Variants in NUDT21 observed in about 807,000 individuals in gnomAD.
NUDT21 encodes nudix hydrolase 21, also known as cleavage and polyadenylation specificity factor subunit 5.
A neutral mutation model predicts 29.8 loss-of-function variants in NUDT21; 5 were observed. The observed-to-expected ratio is 0.17, with a 90% CI of 0.09 to 0.35. The LOEUF is 0.35. Ranked by LOEUF, NUDT21 falls within the 10% of genes least tolerant of loss-of-function variation. NUDT21 has a pLI of 1.00. For missense variants in NUDT21, 76 were observed against 276.0 expected (o/e 0.28, Z 5.13); for synonymous variants, 113 against 98.5 (o/e 1.15, Z -0.87).
Position 56,432,668 on chromosome 16 carries a change from C to G in NUDT21, c.*44G>C. ...ATTCTACACTGTATATAGCTGTGCT[C>G]ACAGAGACAAGCGGCTTCTTTTACT... On this transcript the variant is annotated 3_prime_UTR_variant, in exon 7 of 7. Coordinates refer to ENST00000300291, the MANE Select transcript of NUDT21 (RefSeq NM_007006.3). 5.6e-6 allele frequency: 9 copies of G among 1,595,302 alleles called. No individual in the cohort carries two copies. Among genetic ancestry groups the G allele is most frequent in the Non-Finnish European group, 7.7e-6 (9 of 1,167,878 alleles).
Position 56,451,243 on chromosome 16 carries a change from G to T in NUDT21, c.-41C>A. 1 of 1,476,340 alleles carries T rather than the reference G, an allele frequency of 6.8e-7. No individual in the cohort carries two copies. Among genetic ancestry groups the T allele is most frequent in the Non-Finnish European group, 9.3e-7 (1 of 1,076,384 alleles). 91.5% of individuals were successfully genotyped at this position (1,476,340 alleles called of 1,614,324 possible). On this transcript the variant is annotated 5_prime_UTR_variant, in exon 1 of 7. In the 5' UTR this introduces an upstream ATG that the reference lacks. Coordinates refer to ENST00000300291, the MANE Select transcript of NUDT21 (RefSeq NM_007006.3). ...CGCTGACGGCGAGCAGAAAGTGGCAGGCAGGGTAGACTTTCCCCGTGCGGG... is the reference window on the plus strand; with the variant it reads ...CGCTGACGGCGAGCAGAAAGTGGCATGCAGGGTAGACTTTCCCCGTGCGGG...
chr16:56,434,646 C>T, intron 5 of NUDT21, 108 bp downstream of exon 5: 1 of 881,104 alleles, frequency 1.1e-6, no homozygotes, highest in Admixed American at 2.1e-5. Flanking sequence ...TTTAGTTTTA[C>T]AACAAACCCA....
At chr16:56,450,556 A>C (rs1037554853) in intron 1 of NUDT21, among the ~76,000 whole-genome samples, 1 of 152,220 alleles carries the variant, frequency 6.6e-6, no homozygotes. Flanking sequence ...CCCTGAGCAC[A>C]TGAATAAAAT....
chr16:56,434,195 A>G (rs1962068026), intron 6 of NUDT21, 136 bp downstream of exon 6: 7 of 646,686 alleles, frequency 1.1e-5, no homozygotes, highest in Admixed American at 5.9e-5. Context: ...TGGCTTGCAC[A>G]TGATCTAAGA....
chr16:56,438,060 A>C (rs1962124016), intron 4 of NUDT21, among the ~76,000 whole-genome samples: 1 of 152,172 alleles, frequency 6.6e-6, no homozygotes, highest in South Asian at 2.1e-4. Flanking sequence ...AGTACACTAT[A>C]CCAATTGTGA....
intron 3 of NUDT21, among the ~76,000 whole-genome samples, chr16:56,444,619 AC>A (rs373757615): frequency 7.7e-4 from 114 of 147,732 alleles, no homozygotes; most frequent in Middle Eastern, 3.4e-3. Flanking sequence ...AAAAACAAAA[AC>A]AAAAAAAAAA....
At chr16:56,433,843 C>T (rs564829630) in intron 6 of NUDT21, among the ~76,000 whole-genome samples, 3 of 152,078 alleles carry the variant, frequency 2.0e-5, no homozygotes, top group South Asian at 2.1e-4. Flanking sequence ...CTGGCCACCA[C>T]GCCTCACTAA....
Position 56,448,038 on chromosome 16 carries a change from T to A in NUDT21, c.117-49A>T. The A allele has an allele frequency of 3.3e-6, 5 of 1,512,530 alleles. No individual in the cohort carries two copies. The East Asian group carries it at 1.1e-4, about 34-fold the overall frequency. 93.7% of individuals were successfully genotyped at this position (1,512,530 alleles called of 1,614,324 possible). ...AACATGAGAACTGAAGAATGTAATT[T>A]ACCATGACAGACATTAGCATAAAGA... is the stretch of plus-strand genomic sequence containing the variant. On this transcript the variant is annotated intron_variant, in intron 1 of 6. Coordinates refer to ENST00000300291, the MANE Select transcript of NUDT21 (RefSeq NM_007006.3).
At chr16:56,433,933 C>G (rs1332591451) in intron 6 of NUDT21, among the ~76,000 whole-genome samples, 1 of 152,098 alleles carries the variant, frequency 6.6e-6, no homozygotes, top group Non-Finnish European at 1.5e-5. Flanking sequence ...GATACACCCC[C>G]GCCTCAGCCT....
At chr16:56,445,156 C>G (rs1177822858) in intron 3 of NUDT21, among the ~76,000 whole-genome samples, 2 of 152,008 alleles carry the variant, frequency 1.3e-5, no homozygotes. Flanking sequence ...TGCACTCCAG[C>G]CTGGGTGACA....
intron 3 of NUDT21, among the ~76,000 whole-genome samples, chr16:56,441,205 T>C (rs549941197): frequency 6.6e-6 from 1 of 152,086 alleles, no homozygotes; most frequent in Non-Finnish European, 1.5e-5. Context: ...AGCCAAAATA[T>C]TCTTTTATGA....
chr16:56,433,668 C>G (rs1189986981), intron 6 of NUDT21, among the ~76,000 whole-genome samples: 1 of 152,150 alleles, frequency 6.6e-6, no homozygotes, highest in Non-Finnish European at 1.5e-5. Flanking sequence ...ATATATTACA[C>G]CAAGATATTC....
chr16:56,444,538 T>A (rs1158038309), intron 3 of NUDT21, among the ~76,000 whole-genome samples: 2 of 148,834 alleles, frequency 1.3e-5, no homozygotes, highest in Non-Finnish European at 3.0e-5. Flanking sequence ...GAGCAACCAT[T>A]GCTCACATTG....
intron 4 of NUDT21, among the ~76,000 whole-genome samples, chr16:56,437,328 A>T (rs1361672483): frequency 6.6e-6 from 1 of 152,240 alleles, no homozygotes; most frequent in Non-Finnish European, 1.5e-5. Context: ...TCCAACTTTA[A>T]GAAGTTCCAC....
rs1284572699 is a variant in NUDT21, at chr16:56,430,634, A to G, written c.*2078T>C. 6.6e-6 allele frequency: 1 copy of G among 152,222 alleles called. No homozygotes were observed. Among genetic ancestry groups the G allele is most frequent in the African/African-American group, 2.4e-5 (1 of 41,448 alleles). The allele number at this position is 152,222 out of a possible 1,614,324, so 9.4% of individuals were successfully genotyped here. A position where few individuals can be genotyped will look rare whatever the true frequency, so the allele number is the denominator to read the frequency against. ...CTTCTAATACTGTAGACACCTACCA[A>G]CCAGATTTGATTTCCCCTAATTCTA... On this transcript the variant is annotated 3_prime_UTR_variant, in exon 7 of 7. Coordinates refer to ENST00000300291, the MANE Select transcript of NUDT21 (RefSeq NM_007006.3).
rs1289289864 is a variant in NUDT21 at position 56,451,162 on chromosome 16, G to A, written c.41C>T (p.Pro14Leu). Reference protein sequence around the residue: ...VPPNRSQTGWPRGVTQFGNKY... With the variant: ...VPPNRSQTGWLRGVTQFGNKY... ...GTTGCCGAACTGAGTGACCCCCCGG[G>A]GCCAGCCGGTCTGCGAGCGATTGGG... The change falls in exon 1 of 7, where the codon CCC becomes CTC. Residue 14 changes from proline to leucine, a missense_variant. Pro to Leu is a moderately conservative substitution (Grantham distance 98). Transcript: ENST00000300291. 6.2e-7 allele frequency: 1 copy of A among 1,612,950 alleles called. No homozygotes were observed. Among genetic ancestry groups the A allele is most frequent in the Non-Finnish European group, 8.5e-7 (1 of 1,179,478 alleles).
At chr16:56,450,492 G>A (rs1274307574) in intron 1 of NUDT21, among the ~76,000 whole-genome samples, 1 of 152,298 alleles carries the variant, frequency 6.6e-6, no homozygotes, top group East Asian at 1.9e-4. Context: ...CTGGGATGCC[G>A]GCATTGAGAC....
chr16:56,434,483 A>G (rs1481095109), intron 5 of NUDT21, 38 bp from the exon 6 acceptor site: 2 of 1,128,446 alleles, frequency 1.8e-6, no homozygotes, highest in Admixed American at 1.9e-5. Flanking sequence ...AAGTTATTAT[A>G]TAATCACTGC....
In NUDT21 at chr16:56,431,401, A is replaced by C. The variant is rs1387364119; in HGVS notation, c.*1311T>G. 2 of 152,236 alleles carry C rather than the reference A, an allele frequency of 1.3e-5. No homozygotes were observed. The highest frequency in any genetic ancestry group is 4.1e-4 in the South Asian group (2 of 4,836). The allele number at this position is 152,236 out of a possible 1,614,324, so 9.4% of individuals were successfully genotyped here. Reference sequence around the variant, plus strand: ...CATGTGAGGGTTTGACATGACCCCAACTAAAAAAACTTGAGTGTTTATTAA... The same window carrying C: ...CATGTGAGGGTTTGACATGACCCCACCTAAAAAAACTTGAGTGTTTATTAA... On this transcript the variant is annotated 3_prime_UTR_variant, in exon 7 of 7. Transcript: ENST00000300291.
Sources: gnomAD v4.1 joint callset for allele counts (sites outside exome capture counted in the v4.1 genomes callset) on GRCh38, gnomAD v4.1.1 for gene constraint, MANE v1.5 for transcripts, NCBI Gene and HGNC (gene_info 2026-07-23, HGNC 2026-07-21) for gene names.